The following MYRFL variants were observed in gnomAD, a reference collection of about 807,000 sequenced individuals.
MYRFL encodes the protein myelin regulatory factor like.
A neutral mutation model predicts 109.4 loss-of-function variants in MYRFL; 88 were observed. That is an observed-to-expected ratio of 0.80 (90% confidence interval 0.68 to 0.96). MYRFL has a LOEUF of 0.96. Among genes scored for constraint, MYRFL ranks in the 40% least tolerant of loss-of-function variants. MYRFL has a pLI of 0.00. For missense variants in MYRFL, 957 were observed against 954.9 expected (o/e 1.00, Z -0.03); for synonymous variants, 324 against 320.9 (o/e 1.01, Z -0.10).
In MYRFL at chr12:69,952,165, G is replaced by A. The variant is rs1446523084; in HGVS notation, c.2277G>A (p.Trp759Ter). Reference sequence around the variant, plus strand: ...GAAATGCACTCAGCGGCCCTGACTGGGAGAGTGACTGTAAGTTGACATTTA... The same window carrying A: ...GAAATGCACTCAGCGGCCCTGACTGAGAGAGTGACTGTAAGTTGACATTTA... ...LARNALSGPD[W>*]ESDWIDTTIS... is the part of the protein sequence containing the mutation. Residue 759 changes from tryptophan to a stop codon, truncating the protein, a stop_gained, in exon 20 of 25, where the codon TGG becomes TGA. Transcript: ENST00000552032. LOFTEE classifies it high-confidence loss of function. 6.5e-7 allele frequency: 1 copy of A among 1,536,070 alleles called. No individual in the cohort carries two copies. Among genetic ancestry groups the A allele is most frequent in the Non-Finnish European group, 8.7e-7 (1 of 1,146,878 alleles).
At chr12:69,936,750 G>A in intron 19 of MYRFL, 118 bp downstream of exon 19, 1 of 930,094 alleles carries the variant, frequency 1.1e-6, no homozygotes, top group Non-Finnish European at 1.5e-6. Context: ...TTCTATTTGG[G>A]GTGGCAAAAT....
At chr12:69,891,241 A>G in intron 7 of MYRFL, 75 bp downstream of exon 7, 2 of 1,109,396 alleles carry the variant, frequency 1.8e-6, no homozygotes, top group Non-Finnish European at 2.4e-6. Context: ...TGCATGACAA[A>G]CTATCCCAAA....
chr12:69,845,108 G>T (rs1424285286), intron 1 of MYRFL, among the ~76,000 whole-genome samples: 1 of 152,110 alleles, frequency 6.6e-6, no homozygotes, highest in Non-Finnish European at 1.5e-5. Flanking sequence ...GCATAGAAAA[G>T]TGTTCCCTCC....
chr12:69,829,308 G>T (rs1383443808), intron 1 of MYRFL, among the ~76,000 whole-genome samples: 1 of 152,110 alleles, frequency 6.6e-6, no homozygotes, highest in Non-Finnish European at 1.5e-5. Context: ...GGGCAGTGGG[G>T]ATGCAGGGAA....
At chr12:69,923,884 A>G (rs1170427993) in intron 13 of MYRFL, among the ~76,000 whole-genome samples, 1 of 152,068 alleles carries the variant, frequency 6.6e-6, no homozygotes, top group Non-Finnish European at 1.5e-5. Flanking sequence ...TATTTTTTAT[A>G]CATATTTAAA....
chr12:69,878,242 C>CAAAAAA (rs60069243), intron 2 of MYRFL, among the ~76,000 whole-genome samples: 4,245 of 112,420 alleles, frequency 0.038, 144 homozygotes, highest in African/African-American at 0.068. Context: ...GACTCCATCT[C>CAAAAAA]AAAAAAAAAA....
intron 7 of MYRFL, 92 bp downstream of exon 7, chr12:69,891,258 T>A: frequency 1.0e-6 from 1 of 966,442 alleles, no homozygotes; most frequent in Non-Finnish European, 1.4e-6. Context: ...CAAAATGACT[T>A]AAAATAATAA....
intron 2 of MYRFL, among the ~76,000 whole-genome samples, chr12:69,877,270 G>A (rs1016324960): frequency 3.3e-5 from 5 of 152,024 alleles, no homozygotes; most frequent in Middle Eastern, 3.4e-3. Context: ...TGATCCGCCC[G>A]CCTCCGCCTC....
chr12:69,912,839 C>T (rs1954615338), intron 13 of MYRFL, among the ~76,000 whole-genome samples: 1 of 152,180 alleles, frequency 6.6e-6, no homozygotes, highest in South Asian at 2.1e-4. Context: ...ACTGCTGGAT[C>T]ACATGGCAAT....
At chr12:69,916,969 T>C (rs1049949688) in intron 13 of MYRFL, among the ~76,000 whole-genome samples, 1 of 152,152 alleles carries the variant, frequency 6.6e-6, no homozygotes, top group Non-Finnish European at 1.5e-5. Context: ...CTGTGCTGCC[T>C]AGCTTTCATC....
chr12:69,951,612 G>A (rs1461184427), intron 19 of MYRFL, among the ~76,000 whole-genome samples: 2 of 151,888 alleles, frequency 1.3e-5, no homozygotes, highest in Non-Finnish European at 2.9e-5. Flanking sequence ...TTTTTTAGTA[G>A]AGACAGGGTT....
At chr12:69,940,286 T>A (rs1196821214) in intron 19 of MYRFL, among the ~76,000 whole-genome samples, 5 of 150,260 alleles carry the variant, frequency 3.3e-5, no homozygotes, top group Non-Finnish European at 7.4e-5. Flanking sequence ...GAAAAAATGT[T>A]AAGGGCAGCC....
At chr12:69,940,549 GA>G (rs1280075520) in intron 19 of MYRFL, among the ~76,000 whole-genome samples, 2 of 151,926 alleles carry the variant, frequency 1.3e-5, no homozygotes, top group Non-Finnish European at 2.9e-5. Flanking sequence ...GCTCCTGAAG[GA>G]AGTGCTAAAC....
chr12:69,918,231 G>C (rs367760924), intron 13 of MYRFL, among the ~76,000 whole-genome samples: 14 of 152,152 alleles, frequency 9.2e-5, no homozygotes, highest in Non-Finnish European at 4.4e-5. Flanking sequence ...ATGTGCCCTC[G>C]CATCACTGCT....
chr12:69,863,254 G>T (rs934305707), intron 2 of MYRFL, among the ~76,000 whole-genome samples: 2 of 152,158 alleles, frequency 1.3e-5, no homozygotes, highest in African/African-American at 2.4e-5. Context: ...TCAGGATGAT[G>T]CTGGCCTCAT....
chr12:69,891,637 T>TTTCTTTCTTTCTTTCTTTCTTTCTTTC lies in MYRFL; in HGVS notation c.903+473_903+474insCTTTCTTTCTTTCTTTCTTTCTTTCTT, dbSNP rs1566002318. On this transcript the variant is annotated intron_variant, in intron 7 of 24. Coordinates refer to ENST00000552032, the MANE Select transcript of MYRFL (RefSeq NM_182530.3). The stretch of plus-strand genomic sequence containing the variant: ...TTTCTTTCTTTCCTCCTTCCTTTCT[T>TTTCTTTCTTTCTTTCTTTCTTTCTTTC]TTTCTTTCTTTCTTTCTTTCTTTCT... 4.5e-3 allele frequency among the ~76,000 whole-genome samples: 243 copies of TTTCTTTCTTTCTTTCTTTCTTTCTTTC among 53,816 alleles called. 20 individuals carry two copies. Among genetic ancestry groups the TTTCTTTCTTTCTTTCTTTCTTTCTTTC allele is most frequent in the African/African-American group, 0.011 (201 of 17,666 alleles). The allele number at this position is 53,816 out of a possible 152,430, so 35.3% of individuals were successfully genotyped here. A position where few individuals can be genotyped will look rare whatever the true frequency, so the allele number is the denominator to read the frequency against.
At chr12:69,855,849 CT>C (rs978145376) in intron 2 of MYRFL, among the ~76,000 whole-genome samples, 17 of 151,486 alleles carry the variant, frequency 1.1e-4, no homozygotes, top group Non-Finnish European at 1.8e-4. Flanking sequence ...AAAGTACCAG[CT>C]TTTGGTTAAA....
At chr12:69,877,601 A>G (rs1289760047) in intron 2 of MYRFL, among the ~76,000 whole-genome samples, 2 of 151,940 alleles carry the variant, frequency 1.3e-5, no homozygotes, top group African/African-American at 4.8e-5. Flanking sequence ...CATATTCTTT[A>G]TTATGTCTCT....
chr12:69,950,689 T>C (rs61929680), intron 19 of MYRFL, among the ~76,000 whole-genome samples: 25,443 of 152,070 alleles, frequency 0.17, 2,244 homozygotes, highest in Non-Finnish European at 0.18. Context: ...AAAACTGGTA[T>C]TTAGCATTGC....
Sources: gnomAD v4.1 joint callset for allele counts (sites outside exome capture counted in the v4.1 genomes callset) on GRCh38, gnomAD v4.1.1 for gene constraint, MANE v1.5 for transcripts, NCBI Gene and HGNC (gene_info 2026-07-23, HGNC 2026-07-21) for gene names.